The following FAM184A variants were observed in gnomAD, a reference collection of about 807,000 sequenced individuals.
The protein encoded by FAM184A is family with sequence similarity 184 member A, also known as protein FAM184A.
A neutral mutation model predicts 143.8 loss-of-function variants in FAM184A; 99 were observed. That is an observed-to-expected ratio of 0.69 (90% CI 0.58 to 0.81). FAM184A has a LOEUF of 0.81. Ranked by LOEUF, FAM184A falls within the 40% of genes least tolerant of loss-of-function variation. FAM184A has a pLI of 0.00. For missense variants in FAM184A, 1,217 were observed against 1,310.5 expected (o/e 0.93, Z 1.10); for synonymous variants, 427 against 446.4 (o/e 0.96, Z 0.55).
At position 118,964,633 on chromosome 6, in the gene FAM184A, C is replaced by T; in HGVS notation, c.3138+34G>A. The stretch of plus-strand genomic sequence containing the variant: ...CCAAATTTTTAACCAACTTTTAAAC[C>T]ACATTCCTATTCTACAGTGTTTACG... On this transcript the variant is annotated intron_variant, in intron 16 of 17. Transcript: ENST00000338891. 3.3e-6 allele frequency: 4 copies of T among 1,216,512 alleles called. No individual in the cohort carries two copies. The Middle Eastern group carries it at 5.9e-4, about 180-fold the overall frequency. 75.4% of individuals were successfully genotyped at this position (1,216,512 alleles called of 1,614,324 possible).
At position 119,110,255 on chromosome 6, in the gene FAM184A, C is replaced by T. The variant is rs184412248; in HGVS notation, c.-202+38823G>A. Among the ~76,000 whole-genome samples the T allele has an allele frequency of 1.5e-3, 222 of 152,206 alleles. 3 individuals carry two copies. The highest frequency in any genetic ancestry group is 5.1e-3 in the African/African-American group (210 of 41,520). On this transcript the variant is annotated intron_variant, in intron 1 of 16. Coordinates refer to the FAM184A transcript ENST00000352896. ...GCGTTTATTTTCCTGGTGGTCTCAT[C>T]GTTACAGTATGGCTGTCCCACCTTT...
At chr6:118,993,677 A>G (rs1784451329) in intron 9 of FAM184A, among the ~76,000 whole-genome samples, 1 of 152,258 alleles carries the variant, frequency 6.6e-6, no homozygotes, top group Non-Finnish European at 1.5e-5. Context: ...TCCTAATAAT[A>G]GCAGAAAGAG....
At chr6:118,970,192 C>T (rs1385331273) in intron 14 of FAM184A, among the ~76,000 whole-genome samples, 3 of 149,598 alleles carry the variant, frequency 2.0e-5, no homozygotes, top group Non-Finnish European at 3.0e-5. Context: ...TTAGTAGAGA[C>T]GGGGTTTTAC....
chr6:119,016,561 C>T (rs1288573200), intron 5 of FAM184A, among the ~76,000 whole-genome samples, 186 bp downstream of exon 5: 1 of 151,726 alleles, frequency 6.6e-6, no homozygotes. Context: ...GAAGAAACTC[C>T]GAACACATCT....
chr6:119,135,421 T>G (rs979761085), intron 1 of FAM184A, among the ~76,000 whole-genome samples: 7 of 152,328 alleles, frequency 4.6e-5, no homozygotes, highest in African/African-American at 1.7e-4. Context: ...TAAGAGCTTA[T>G]TATTATTCTT....
At chr6:119,098,283 G>C (rs1223157920) in intron 1 of FAM184A, among the ~76,000 whole-genome samples, 1 of 152,210 alleles carries the variant, frequency 6.6e-6, no homozygotes, top group Non-Finnish European at 1.5e-5. Flanking sequence ...TCCCAGCCAC[G>C]TGGAACTGTG....
chr6:119,025,548 T>C, intron 1 of FAM184A: 1 of 518,868 alleles, frequency 1.9e-6, no homozygotes, highest in Non-Finnish European at 3.8e-6. Flanking sequence ...ATTTTCATTT[T>C]AGTTCCTAGG....
At chr6:119,088,148 G>T (rs1485302034) in intron 1 of FAM184A, among the ~76,000 whole-genome samples, 3 of 152,046 alleles carry the variant, frequency 2.0e-5, no homozygotes, top group East Asian at 1.9e-4. Context: ...AGATGAAAAA[G>T]GTCCAGAAAT....
intron 1 of FAM184A, among the ~76,000 whole-genome samples, chr6:119,068,589 G>C (rs962196098): frequency 1.3e-5 from 2 of 152,168 alleles, no homozygotes; most frequent in Non-Finnish European, 2.9e-5. Context: ...CTTCAAATAA[G>C]GGAATGCCTA....
intron 14 of FAM184A, among the ~76,000 whole-genome samples, chr6:118,972,265 T>G (rs755628982): frequency 6.6e-6 from 1 of 152,230 alleles, no homozygotes; most frequent in Non-Finnish European, 1.5e-5. Flanking sequence ...TTAAATGAAA[T>G]TTATAAATTC....
chr6:119,111,024 A>T (rs1035760932), intron 1 of FAM184A, among the ~76,000 whole-genome samples: 1 of 152,156 alleles, frequency 6.6e-6, no homozygotes, highest in African/African-American at 2.4e-5. Context: ...TATCCTCGTC[A>T]TTGCTGCAGC....
chr6:118,985,542 GA>G (rs1784165502), intron 9 of FAM184A, among the ~76,000 whole-genome samples: 1 of 152,162 alleles, frequency 6.6e-6, no homozygotes, highest in African/African-American at 2.4e-5. Flanking sequence ...ACGATATTCA[GA>G]TATGACCCAT....
chr6:119,111,192 C>T (rs1362665162), intron 1 of FAM184A, among the ~76,000 whole-genome samples: 4 of 152,116 alleles, frequency 2.6e-5, no homozygotes, highest in Non-Finnish European at 4.4e-5. Flanking sequence ...TATTCAGCCT[C>T]AAAAAGGAAG....
chr6:119,056,417 A>G (rs1238138276), intron 1 of FAM184A, among the ~76,000 whole-genome samples: 1 of 152,212 alleles, frequency 6.6e-6, no homozygotes, highest in African/African-American at 2.4e-5. Context: ...AAATAGACAG[A>G]AATTTCCCAA....
chr6:119,063,447 G>A (rs1414637331), intron 1 of FAM184A, among the ~76,000 whole-genome samples: 1 of 152,158 alleles, frequency 6.6e-6, no homozygotes, highest in East Asian at 1.9e-4. Context: ...TAGTCTTACT[G>A]GTTTCTATCT....
chr6:119,120,844 CTTTCTTTT>C (rs1789193506), intron 1 of FAM184A, among the ~76,000 whole-genome samples: 1 of 120,684 alleles, frequency 8.3e-6, no homozygotes, highest in African/African-American at 3.6e-5. Context: ...TTCTTTCTTT[CTTTCTTTT>C]TTTTTTTTTT....
At chr6:119,028,476 G>A (rs761560590) in intron 1 of FAM184A, among the ~76,000 whole-genome samples, 1 of 152,210 alleles carries the variant, frequency 6.6e-6, no homozygotes, top group African/African-American at 2.4e-5. Flanking sequence ...AGGTCGGAGA[G>A]TTGAGTTGAT....
At chr6:118,966,686 C>T in intron 15 of FAM184A, 149 bp downstream of exon 15, 1 of 423,706 alleles carries the variant, frequency 2.4e-6, no homozygotes, top group Admixed American at 4.3e-5. Flanking sequence ...TTACTTTATT[C>T]ATAAACATTT....
chr6:119,063,083 AC>A (rs938368754), intron 1 of FAM184A, among the ~76,000 whole-genome samples: 2 of 151,912 alleles, frequency 1.3e-5, no homozygotes, highest in African/African-American at 4.8e-5. Context: ...AAAAGGTGAA[AC>A]CCCCCCACCA....
Sources: gnomAD v4.1 joint callset for allele counts (sites outside exome capture counted in the v4.1 genomes callset) on GRCh38, gnomAD v4.1.1 for gene constraint, MANE v1.5 for transcripts, NCBI Gene and HGNC (gene_info 2026-07-23, HGNC 2026-07-21) for gene names.